The following RNU5B-1 variants were observed in gnomAD, a reference collection of about 807,000 sequenced individuals.
RNU5B-1 encodes RNA, U5B small nuclear pseudogene 1.
chr15:65,304,762 T>C (rs542129912), exon 1 of RNU5B-1: 7 of 152,338 alleles, frequency 4.6e-5, no homozygotes, highest in South Asian at 4.1e-4. Flanking sequence ...AGTCTTAAGC[T>C]AATTTTTTGA....
At chr15:65,304,763 A>C (rs1340180185) in exon 1 of RNU5B-1, 1 of 152,198 alleles carries the variant, frequency 6.6e-6, no homozygotes, top group African/African-American at 2.4e-5. Context: ...GTCTTAAGCT[A>C]ATTTTTTGAG....
At chr15:65,304,703 T>C (rs529056829) in exon 1 of RNU5B-1, 1 of 152,222 alleles carries the variant, frequency 6.6e-6, no homozygotes, top group East Asian at 1.9e-4. Context: ...TCAGATCGTA[T>C]AAATCTTTCG....
At chr15:65,304,771 G>GT (rs1272717584) in exon 1 of RNU5B-1, 21 of 152,244 alleles carry the variant, frequency 1.4e-4, no homozygotes, top group East Asian at 5.8e-4. Context: ...CTAATTTTTT[G>GT]AGGCCTTGTT....
exon 1 of RNU5B-1, chr15:65,304,729 TTCCG>T (rs1325455046): frequency 1.3e-5 from 2 of 152,208 alleles, no homozygotes; most frequent in Non-Finnish European, 2.9e-5. Context: ...TACTAAAGAT[TTCCG>T]TGGAGAGGAA....
chr15:65,304,780 T>C (rs1026993301), exon 1 of RNU5B-1: 2 of 152,016 alleles, frequency 1.3e-5, no homozygotes, highest in African/African-American at 4.8e-5. Context: ...TGAGGCCTTG[T>C]TCCGACAAGG....
exon 1 of RNU5B-1, chr15:65,304,768 T>G (rs936873947): frequency 1.3e-5 from 2 of 152,190 alleles, no homozygotes; most frequent in Non-Finnish European, 2.9e-5. Context: ...AAGCTAATTT[T>G]TTGAGGCCTT....
chr15:65,304,746 A>G (rs567693078), exon 1 of RNU5B-1: 10 of 152,240 alleles, frequency 6.6e-5, no homozygotes, highest in South Asian at 4.2e-4. Context: ...GAGAGGAACA[A>G]CTCTGAGTCT....
chr15:65,304,775 C>A (rs182926516), exon 1 of RNU5B-1: 2 of 152,044 alleles, frequency 1.3e-5, no homozygotes, highest in African/African-American at 2.4e-5. Flanking sequence ...TTTTTTGAGG[C>A]CTTGTTCCGA....
chr15:65,304,770 T>C (rs775784753), exon 1 of RNU5B-1: 2 of 152,204 alleles, frequency 1.3e-5, no homozygotes, highest in Non-Finnish European at 2.9e-5. Context: ...GCTAATTTTT[T>C]GAGGCCTTGT....
chr15:65,304,761 C>G (rs375964019), exon 1 of RNU5B-1: 15 of 152,154 alleles, frequency 9.9e-5, no homozygotes, highest in African/African-American at 7.2e-5. Context: ...GAGTCTTAAG[C>G]TAATTTTTTG....
At chr15:65,304,780 T>G (rs1026993301) in exon 1 of RNU5B-1, 14 of 152,016 alleles carry the variant, frequency 9.2e-5, no homozygotes, top group African/African-American at 3.1e-4. Flanking sequence ...TGAGGCCTTG[T>G]TCCGACAAGG....
At chr15:65,304,694 C>T (rs1305884876) in exon 1 of RNU5B-1, 3 of 152,170 alleles carry the variant, frequency 2.0e-5, no homozygotes, top group Non-Finnish European at 4.4e-5. Flanking sequence ...GGTTTCTCTT[C>T]AGATCGTATA....
At chr15:65,304,763 A>T (rs1340180185) in exon 1 of RNU5B-1, 1 of 152,198 alleles carries the variant, frequency 6.6e-6, no homozygotes, top group African/African-American at 2.4e-5. Context: ...GTCTTAAGCT[A>T]ATTTTTTGAG....
chr15:65,304,698 T>G (rs767826785), exon 1 of RNU5B-1: 2 of 152,190 alleles, frequency 1.3e-5, no homozygotes, highest in East Asian at 1.9e-4. Flanking sequence ...TCTCTTCAGA[T>G]CGTATAAATC....
chr15:65,304,787 A>T (rs529483637), exon 1 of RNU5B-1: 1 of 151,140 alleles, frequency 6.6e-6, no homozygotes, highest in Admixed American at 6.7e-5. Context: ...TTGTTCCGAC[A>T]AGGCTATATA....
chr15:65,304,753 G>C (rs974112211), exon 1 of RNU5B-1: 14 of 152,144 alleles, frequency 9.2e-5, no homozygotes, highest in African/African-American at 2.9e-4. Flanking sequence ...ACAACTCTGA[G>C]TCTTAAGCTA....
chr15:65,304,783 C>A (rs145132184), exon 1 of RNU5B-1: 2 of 151,756 alleles, frequency 1.3e-5, no homozygotes, highest in Non-Finnish European at 1.5e-5. Context: ...GGCCTTGTTC[C>A]GACAAGGCTA....
At chr15:65,304,744 C>CA (rs2090799356) in exon 1 of RNU5B-1, 1 of 152,144 alleles carries the variant, frequency 6.6e-6, no homozygotes, top group African/African-American at 2.4e-5. Flanking sequence ...TGGAGAGGAA[C>CA]AACTCTGAGT....
At chr15:65,304,791 C>G (rs1053959459) in exon 1 of RNU5B-1, 7 of 149,924 alleles carry the variant, frequency 4.7e-5, no homozygotes, top group Non-Finnish European at 7.4e-5. Context: ...TCCGACAAGG[C>G]TATATAAAGC....
Sources: gnomAD v4.1 joint callset for allele counts on GRCh38, gnomAD v4.1.1 for gene constraint, MANE v1.5 for transcripts, NCBI Gene and HGNC (gene_info 2026-07-23, HGNC 2026-07-21) for gene names.